The following ZFR2 variants were observed in gnomAD, a reference collection of about 807,000 sequenced individuals.
The protein encoded by ZFR2 is zinc finger RNA-binding protein 2.
ZFR2 carries 104 observed loss-of-function variants against 105.7 expected under a neutral mutation model. That is an observed-to-expected ratio of 0.98 (90% CI 0.84 to 1.16). The LOEUF is 1.16. Ranked by LOEUF, ZFR2 falls within the 50% of genes most tolerant of loss-of-function variation. The pLI is 0.00. For missense variants in ZFR2, 1,425 were observed against 1,355.5 expected (o/e 1.05, Z -0.80); for synonymous variants, 634 against 597.7 (o/e 1.06, Z -0.89).
At chr19:3,807,485 C>T (rs2145128020) in intron 17 of ZFR2, among the ~76,000 whole-genome samples, 1 of 152,348 alleles carries the variant, frequency 6.6e-6, no homozygotes, top group Middle Eastern at 3.4e-3. Flanking sequence ...GCCTGTTGGG[C>T]TGCCAGCATC....
chr19:3,834,712 C>G lies in ZFR2; in HGVS notation c.264+61G>C. 1 of 1,541,472 alleles carries G rather than the reference C, an allele frequency of 6.5e-7. No individual in the cohort carries two copies. The highest frequency in any genetic ancestry group is 8.8e-7 in the Non-Finnish European group (1 of 1,130,216). On this transcript the variant is annotated intron_variant, in intron 2 of 18. Coordinates refer to ENST00000262961, the MANE Select transcript of ZFR2 (RefSeq NM_015174.2). The surrounding 1 kb of genome is among the most constrained non-coding windows in gnomAD (Gnocchi z 5.3). Reference sequence around the variant, plus strand: ...GAGTAGCTGTGGGAAGCCCACCGCTCTCACCCATGCAAGGCGACCCACGTT... The same window carrying G: ...GAGTAGCTGTGGGAAGCCCACCGCTGTCACCCATGCAAGGCGACCCACGTT...
chr19:3,826,817 A>G (rs1279818083), intron 6 of ZFR2, among the ~76,000 whole-genome samples: 1 of 152,144 alleles, frequency 6.6e-6, no homozygotes, highest in Non-Finnish European at 1.5e-5. Flanking sequence ...CAAAGGGAAC[A>G]CAGCATTGGG....
At chr19:3,852,436 C>G (rs2038250490) in intron 1 of ZFR2, 1 of 716,884 alleles carries the variant, frequency 1.4e-6, no homozygotes. Flanking sequence ...CCTCCTCCAG[C>G]AGGCCAGCCT....
chr19:3,864,375 CACAA>C (rs58613356), intron 1 of ZFR2, among the ~76,000 whole-genome samples: 7,177 of 151,366 alleles, frequency 0.047, 374 homozygotes, highest in African/African-American at 0.13. Flanking sequence ...GATCCTGTCT[CACAA>C]ACAAACAAAC....
chr19:3,860,204 T>C (rs911522734), intron 1 of ZFR2, among the ~76,000 whole-genome samples: 1 of 151,094 alleles, frequency 6.6e-6, no homozygotes, highest in African/African-American at 2.4e-5. Context: ...CTAATTTTTT[T>C]TTTTTTTTTT....
At chr19:3,853,951 G>C (rs2038269614) in intron 1 of ZFR2, among the ~76,000 whole-genome samples, 1 of 152,000 alleles carries the variant, frequency 6.6e-6, no homozygotes, top group Non-Finnish European at 1.5e-5. Flanking sequence ...AGGCACAGTG[G>C]TGTGTGCCTG....
chr19:3,840,236 CTTGT>C (rs1344345418), intron 1 of ZFR2, among the ~76,000 whole-genome samples: 1 of 151,054 alleles, frequency 6.6e-6, no homozygotes. Flanking sequence ...TTTTTGTTTG[CTTGT>C]TTTACTTTTT....
At chr19:3,812,871 G>C (rs1353770580) in intron 14 of ZFR2, among the ~76,000 whole-genome samples, 1 of 152,168 alleles carries the variant, frequency 6.6e-6, no homozygotes, top group East Asian at 1.9e-4. Flanking sequence ...CTGAAGTCAG[G>C]AGTTCGAGAC....
chr19:3,853,903 CGCCTCTACAAA>C (rs1290778457), intron 1 of ZFR2, among the ~76,000 whole-genome samples: 1 of 149,802 alleles, frequency 6.7e-6, no homozygotes, highest in Non-Finnish European at 1.5e-5. Context: ...GTGAGACCCC[CGCCTCTACAAA>C]GTCTCTACAA....
Position 3,858,141 on chromosome 19 carries a change from C to A in ZFR2, c.53+10824G>T, listed in dbSNP as rs1265160515. Among the ~76,000 whole-genome samples, 1 of 152,152 alleles carries A rather than the reference C, an allele frequency of 6.6e-6. No individual in the cohort carries two copies. The highest frequency in any genetic ancestry group is 1.9e-4 in the East Asian group (1 of 5,190). On this transcript the variant is annotated intron_variant, in intron 1 of 18. Coordinates refer to ENST00000262961, the MANE Select transcript of ZFR2 (RefSeq NM_015174.2). The surrounding 1 kb of genome is among the most constrained non-coding windows in gnomAD (Gnocchi z 4.3). ...TCATTTTGTTCACACGGCCACCAAACTCAAGGGGACGTCAAGGCCTAGGGG... is the reference window on the plus strand; with the variant it reads ...TCATTTTGTTCACACGGCCACCAAAATCAAGGGGACGTCAAGGCCTAGGGG...
chr19:3,836,657 TG>T lies in ZFR2; in HGVS notation c.54-1675del, dbSNP rs1418464886. The stretch of plus-strand genomic sequence containing the variant: ...ATGAGTCTTTGTAGGGTTTGCACAG[TG>T]CCGAGGCCTTTGTCCACATGGCCTC... On this transcript the variant is annotated intron_variant, in intron 1 of 18. Coordinates refer to ENST00000262961, the MANE Select transcript of ZFR2 (RefSeq NM_015174.2). 3.3e-5 allele frequency among the ~76,000 whole-genome samples: 5 copies of T among 152,194 alleles called. No individual in the cohort carries two copies. In the South Asian group the frequency reaches 1.0e-3, roughly 32 times the overall value.
At chr19:3,840,418 G>A (rs1249658536) in intron 1 of ZFR2, among the ~76,000 whole-genome samples, 2 of 151,782 alleles carry the variant, frequency 1.3e-5, no homozygotes, top group Non-Finnish European at 2.9e-5. Context: ...TTGTATTTTT[G>A]TAGAGACGAG....
At chr19:3,830,681 C>A (rs1270566428) in intron 5 of ZFR2, among the ~76,000 whole-genome samples, 1 of 152,144 alleles carries the variant, frequency 6.6e-6, no homozygotes, top group Admixed American at 6.5e-5. Flanking sequence ...TGTCTCTCCG[C>A]GGTCCAGAGC....
chr19:3,818,514 A>T (rs2037849750), intron 12 of ZFR2, among the ~76,000 whole-genome samples: 1 of 152,220 alleles, frequency 6.6e-6, no homozygotes, highest in African/African-American at 2.4e-5. Context: ...AGCAGCTGCC[A>T]GAGCAGGAAA....
rs765312990 is a variant in ZFR2 at position 3,827,487 on chromosome 19, C to G, written c.1019G>C (p.Gly340Ala). ...GGGCCGTACCTTCTGGTGCTTGGAT[C>G]CCCGGATGTGGGCCGCGTAGGCGTC... is the stretch of plus-strand genomic sequence containing the variant. ...GADAYAAHIR[G>A]SKHQKVFKLH... The change falls in exon 6 of 19, where the codon GGA becomes GCA. Residue 340 changes from glycine to alanine, a missense_variant. By Grantham distance (60) the Gly-to-Ala change is moderately conservative (BLOSUM62 0). Coordinates refer to ENST00000262961, the MANE Select transcript of ZFR2 (RefSeq NM_015174.2). 1.3e-6 allele frequency: 2 copies of G among 1,550,210 alleles called. No individual in the cohort carries two copies. Among genetic ancestry groups the G allele is most frequent in the Non-Finnish European group, 1.7e-6 (2 of 1,147,758 alleles).
At position 3,825,376 on chromosome 19, in the gene ZFR2, G is replaced by A. The variant is rs1364271544; in HGVS notation, c.1067C>T (p.Pro356Leu). 1 of 1,588,284 alleles carries A rather than the reference G, an allele frequency of 6.3e-7. No individual in the cohort carries two copies. The highest frequency in any genetic ancestry group is 8.5e-7 in the Non-Finnish European group (1 of 1,169,646). The change falls in exon 7 of 19, where the codon CCC becomes CTC. Residue 356 changes from proline (P) to leucine (L), a missense_variant. By Grantham distance (98) the Pro-to-Leu change is moderately conservative. Transcript: ENST00000262961. Reference sequence around the variant, plus strand: ...CAGTGCAGGCTCGAGGGTGGGAATGGGCTTCCCCAGTTTGGCGTGCAGCTT... The same window carrying A: ...CAGTGCAGGCTCGAGGGTGGGAATGAGCTTCCCCAGTTTGGCGTGCAGCTT... ...VFKLHAKLGK[P>L]IPTLEPALAT...
chr19:3,853,367 CAAAG>C (rs1193295843), intron 1 of ZFR2, among the ~76,000 whole-genome samples: 2 of 152,176 alleles, frequency 1.3e-5, no homozygotes, highest in Non-Finnish European at 2.9e-5. Context: ...CTGAAAATGA[CAAAG>C]ACAGGTGTGC....
intron 1 of ZFR2, among the ~76,000 whole-genome samples, chr19:3,851,228 A>AG (rs2038234814): frequency 6.6e-6 from 1 of 152,142 alleles, no homozygotes; most frequent in East Asian, 1.9e-4. Context: ...GGTGATGGAC[A>AG]GGGGGACAGA....
chr19:3,836,691 CT>C (rs1208267410), intron 1 of ZFR2, among the ~76,000 whole-genome samples: 2 of 152,178 alleles, frequency 1.3e-5, no homozygotes, highest in Non-Finnish European at 2.9e-5. Context: ...CTCATTCACC[CT>C]TCAGAGGACA....
Sources: gnomAD v4.1 joint callset for allele counts (sites outside exome capture counted in the v4.1 genomes callset) on GRCh38, gnomAD v4.1.1 for gene constraint, Gnocchi (gnomAD v3.1) non-coding constraint, MANE v1.5 for transcripts, NCBI Gene and HGNC (gene_info 2026-07-23, HGNC 2026-07-21) for gene names.